Variants in CLCN3 observed in about 807,000 individuals in gnomAD.
CLCN3 encodes the protein Cl-/H+ antiporter 3, also known as H(+)/Cl(-) exchange transporter 3.
A neutral mutation model predicts 83.4 loss-of-function variants in CLCN3; 16 were observed. The observed-to-expected ratio is 0.19, with a 90% CI of 0.13 to 0.29. The LOEUF (loss-of-function observed/expected upper bound fraction) is 0.29, where lower values mean the gene tolerates loss of function less well. CLCN3 is among the 10% of genes least tolerant of loss of function. The pLI, the probability that CLCN3 is intolerant of heterozygous loss-of-function variation, is 1.00. For missense variants in CLCN3, 544 were observed against 1,006.0 expected (o/e 0.54, Z 6.21); for synonymous variants, 322 against 346.2 (o/e 0.93, Z 0.78).
chr4:169,625,973 G>A (rs1437925347), intron 1 of CLCN3, among the ~76,000 whole-genome samples: 4 of 152,146 alleles, frequency 2.6e-5, no homozygotes, highest in African/African-American at 9.7e-5. Flanking sequence ...GTTCCAATAC[G>A]GTGTACCTGG....
chr4:169,646,618 C>T (rs1730581979), intron 2 of CLCN3, among the ~76,000 whole-genome samples: 2 of 152,196 alleles, frequency 1.3e-5, no homozygotes, highest in Admixed American at 1.3e-4. Flanking sequence ...CGAACTAATA[C>T]AGTTATATAA....
intron 2 of CLCN3, chr4:169,662,874 C>A (rs576915609): frequency 6.6e-6 from 1 of 151,958 alleles, no homozygotes; most frequent in African/African-American, 2.4e-5. Flanking sequence ...TATATAGAAA[C>A]AATCAAGCTC....
intron 2 of CLCN3, among the ~76,000 whole-genome samples, chr4:169,668,043 ATTTT>A (rs60739106): frequency 2.4e-5 from 2 of 82,342 alleles, no homozygotes; most frequent in South Asian, 4.4e-4. Context: ...CCGGCCAGAC[ATTTT>A]TTTTTTTTTT....
chr4:169,640,476 T>C (rs1361656267), intron 2 of CLCN3, among the ~76,000 whole-genome samples: 1 of 152,212 alleles, frequency 6.6e-6, no homozygotes, highest in African/African-American at 2.4e-5. Context: ...GTACACTGAT[T>C]AAAAAATAGA....
chr4:169,643,629 A>G (rs1404956307), intron 2 of CLCN3, among the ~76,000 whole-genome samples: 1 of 149,554 alleles, frequency 6.7e-6, no homozygotes, highest in East Asian at 2.0e-4. Flanking sequence ...ACCTCCATGG[A>G]CTCGAGTGAT....
intron 1 of CLCN3, among the ~76,000 whole-genome samples, chr4:169,635,081 G>A (rs1343454933): frequency 6.6e-6 from 1 of 152,104 alleles, no homozygotes; most frequent in East Asian, 1.9e-4. Flanking sequence ...CACTGGAATT[G>A]AACTGTGCTT....
At chr4:169,625,609 G>C (rs1773214708) in intron 1 of CLCN3, among the ~76,000 whole-genome samples, 1 of 152,172 alleles carries the variant, frequency 6.6e-6, no homozygotes, top group Admixed American at 6.5e-5. Flanking sequence ...AAGTTGGAAA[G>C]AACACGCTGG....
At chr4:169,651,258 A>T (rs1301280778) in intron 2 of CLCN3, among the ~76,000 whole-genome samples, 1 of 152,170 alleles carries the variant, frequency 6.6e-6, no homozygotes, top group Non-Finnish European at 1.5e-5. Context: ...TAATATCATG[A>T]TGCGACAAAT....
intron 2 of CLCN3, among the ~76,000 whole-genome samples, chr4:169,666,853 AC>A (rs1731262269): frequency 6.6e-6 from 1 of 152,192 alleles, no homozygotes; most frequent in African/African-American, 2.4e-5. Context: ...AATATCTGTC[AC>A]ATTGTGTTGT....
chr4:169,668,782 C>A (rs921874823), intron 2 of CLCN3, among the ~76,000 whole-genome samples: 3 of 149,574 alleles, frequency 2.0e-5, no homozygotes, highest in Non-Finnish European at 4.4e-5. Context: ...TCAGGTCATA[C>A]TTTCTTATCA....
At chr4:169,673,012 A>G (rs1731537725) in intron 2 of CLCN3, among the ~76,000 whole-genome samples, 2 of 152,194 alleles carry the variant, frequency 1.3e-5, no homozygotes, top group Non-Finnish European at 2.9e-5. Context: ...AATTATATGC[A>G]AAGAAACAGT....
chr4:169,689,751 A>G (rs1451940168), intron 5 of CLCN3, among the ~76,000 whole-genome samples: 2 of 152,188 alleles, frequency 1.3e-5, no homozygotes, highest in Non-Finnish European at 2.9e-5. Context: ...ACATGGATAT[A>G]TTTTTTAAAT....
At chr4:169,660,423 T>A (rs1731014389) in intron 2 of CLCN3, 1 of 1,384,690 alleles carries the variant, frequency 7.2e-7, no homozygotes, top group Non-Finnish European at 9.3e-7. Flanking sequence ...GAGACAGTAT[T>A]CCCCTGAGGG....
intron 2 of CLCN3, among the ~76,000 whole-genome samples, chr4:169,677,515 AT>A (rs1246946098): frequency 6.6e-6 from 1 of 152,142 alleles, no homozygotes; most frequent in African/African-American, 2.4e-5. Flanking sequence ...GCACTTTGGC[AT>A]TATTATGTTT....
intron 2 of CLCN3, among the ~76,000 whole-genome samples, chr4:169,657,828 G>C (rs1581214112): frequency 6.6e-6 from 1 of 152,170 alleles, no homozygotes; most frequent in Middle Eastern, 3.4e-3. Context: ...TTTGTCTTCT[G>C]CTCTCTCTCT....
rs1297287305 is a variant in CLCN3, at chr4:169,722,879, C to A, written c.*2882C>A. On this transcript the variant is annotated 3_prime_UTR_variant, in exon 13 of 13. Coordinates refer to ENST00000513761, the MANE Select transcript of CLCN3 (RefSeq NM_001829.4). ...AACCAAAATAATGAAATAGTGGAGA[C>A]CATGAAATTGTTGTGCCTGGCTAAT... is the stretch of plus-strand genomic sequence containing the variant. 6.6e-6 allele frequency: 1 copy of A among 152,052 alleles called. No homozygotes were observed. The highest frequency in any genetic ancestry group is 1.5e-5 in the Non-Finnish European group (1 of 68,026). 9.4% of individuals were successfully genotyped at this position (152,052 alleles called of 1,614,324 possible).
intron 2 of CLCN3, among the ~76,000 whole-genome samples, chr4:169,640,010 A>G (rs796900922): frequency 3.3e-5 from 5 of 152,340 alleles, no homozygotes; most frequent in African/African-American, 1.2e-4. Flanking sequence ...ACAACATAGT[A>G]GTAAACTCCT....
chr4:169,680,916 T>A (rs1172766962), intron 3 of CLCN3, among the ~76,000 whole-genome samples: 1 of 152,212 alleles, frequency 6.6e-6, no homozygotes, highest in Admixed American at 6.5e-5. Flanking sequence ...TGGTGTGATA[T>A]TGGCTCACTG....
chr4:169,622,380 T>G (rs1773131645), intron 1 of CLCN3, among the ~76,000 whole-genome samples: 1 of 152,156 alleles, frequency 6.6e-6, no homozygotes, highest in South Asian at 2.1e-4. Flanking sequence ...TTTCCTGTTG[T>G]GACATGTTGG....
Sources: allele counts gnomAD v4.1 joint callset (sites outside exome capture counted in the v4.1 genomes callset), GRCh38; gene constraint gnomAD v4.1.1; transcripts MANE v1.5; gene names NCBI Gene and HGNC (gene_info 2026-07-23, HGNC 2026-07-21).